The following FGGY variants were observed in gnomAD, a reference collection of about 807,000 sequenced individuals.
FGGY encodes FGGY carbohydrate kinase domain containing, also known as FGGY carbohydrate kinase domain-containing protein.
FGGY carries 72 observed loss-of-function variants against 71.3 expected under a neutral mutation model. The ratio of observed to expected loss-of-function variants is 1.01; its 90% CI spans 0.84 to 1.23. The LOEUF (loss-of-function observed/expected upper bound fraction) is 1.23, where lower values mean the gene tolerates loss of function less well. Among genes scored for constraint, FGGY ranks in the 50% most tolerant of loss-of-function variants. The pLI is 0.00. For missense variants in FGGY, 668 were observed against 682.3 expected (o/e 0.98, Z 0.23); for synonymous variants, 251 against 250.3 (o/e 1.00, Z -0.02).
chr1:59,391,307 C>T (rs753603448), intron 5 of FGGY, among the ~76,000 whole-genome samples: 19 of 151,880 alleles, frequency 1.3e-4, no homozygotes, highest in Non-Finnish European at 2.6e-4. Flanking sequence ...CCAGGGAGGG[C>T]GAGAGAGGAT....
rs185433204 is a variant in FGGY, at chr1:59,687,281, T to C, written c.1512+13148T>C. Reference sequence around the variant, plus strand: ...CCCAGCCTCTCTCAGATCCCAGTTCTGGCCACTCAGCTTTTCTTTGGTTTC... The same window carrying C: ...CCCAGCCTCTCTCAGATCCCAGTTCCGGCCACTCAGCTTTTCTTTGGTTTC... On this transcript the variant is annotated intron_variant, in intron 14 of 15. Transcript: ENST00000303721. Among the ~76,000 whole-genome samples, 692 of 152,260 alleles carry C rather than the reference T, an allele frequency of 4.5e-3. 41 individuals are homozygous for C. The East Asian group carries it at 0.12, about 27-fold the overall frequency.
intron 10 of FGGY, among the ~76,000 whole-genome samples, chr1:59,632,287 A>C (rs1367861625): frequency 6.6e-6 from 1 of 152,208 alleles, no homozygotes. Context: ...AATTGTAGAT[A>C]AATAAGGAGA....
At chr1:59,478,510 C>T (rs1204583378) in intron 6 of FGGY, among the ~76,000 whole-genome samples, 1 of 152,104 alleles carries the variant, frequency 6.6e-6, no homozygotes, top group Non-Finnish European at 1.5e-5. Flanking sequence ...AGAAATATGT[C>T]TGGAACATAG....
chr1:59,686,919 A>G (rs1010472291), intron 14 of FGGY, among the ~76,000 whole-genome samples: 1 of 152,240 alleles, frequency 6.6e-6, no homozygotes, highest in Admixed American at 6.5e-5. Context: ...AGTTGCTAGT[A>G]TGAATAAACT....
At chr1:59,354,234 T>A (rs1220712595) in intron 4 of FGGY, among the ~76,000 whole-genome samples, 3 of 152,082 alleles carry the variant, frequency 2.0e-5, no homozygotes, top group Admixed American at 2.0e-4. Context: ...CACACCACCA[T>A]GCCCAGATAA....
chr1:59,756,783 T>C (rs1349502480), intron 14 of FGGY, among the ~76,000 whole-genome samples: 1 of 152,072 alleles, frequency 6.6e-6, no homozygotes, highest in Non-Finnish European at 1.5e-5. Context: ...AGAAGGAAAT[T>C]AGTGGCATGC....
chr1:59,375,370 C>G (rs1298489956), intron 4 of FGGY, among the ~76,000 whole-genome samples: 1 of 152,040 alleles, frequency 6.6e-6, no homozygotes, highest in South Asian at 2.1e-4. Flanking sequence ...GAGACATTTC[C>G]TCTCATTCAG....
intron 7 of FGGY, among the ~76,000 whole-genome samples, chr1:59,534,143 G>C (rs1043221782): frequency 1.3e-5 from 2 of 152,186 alleles, no homozygotes; most frequent in East Asian, 3.8e-4. Context: ...TAAAGGAGCT[G>C]ATGGAGCTGA....
In FGGY at chr1:59,346,233, C is replaced by G; in HGVS notation, c.314-14C>G. The G allele has an allele frequency of 1.2e-6, 2 of 1,612,572 alleles. No homozygotes were observed. The highest frequency in any genetic ancestry group is 1.7e-6 in the Non-Finnish European group (2 of 1,179,464). ...AATGTGTGTCCATCTGCATCTCCCT[C>G]TCGTTTCTGCTAGGGGATTCCCATC... On this transcript the variant is annotated splice_polypyrimidine_tract_variant and intron_variant, in intron 3 of 15. Transcript: ENST00000303721.
At chr1:59,719,395 C>A (rs965775741) in intron 14 of FGGY, among the ~76,000 whole-genome samples, 2 of 152,132 alleles carry the variant, frequency 1.3e-5, no homozygotes, top group Non-Finnish European at 2.9e-5. Context: ...AATTACTTAA[C>A]CTTTCTCAAC....
intron 1 of FGGY, among the ~76,000 whole-genome samples, chr1:59,304,432 C>T (rs2043169856): frequency 6.6e-6 from 1 of 151,966 alleles, no homozygotes; most frequent in Non-Finnish European, 1.5e-5. Flanking sequence ...GTGTATATGT[C>T]TCTTTTTATT....
At chr1:59,342,788 CAA>C (rs2050972120) in intron 3 of FGGY, among the ~76,000 whole-genome samples, 1 of 152,088 alleles carries the variant, frequency 6.6e-6, no homozygotes, top group African/African-American at 2.4e-5. Flanking sequence ...AACCTAAAAC[CAA>C]ACCCATAAGA....
intron 5 of FGGY, among the ~76,000 whole-genome samples, chr1:59,429,484 A>G (rs1175061943): frequency 6.6e-6 from 1 of 152,212 alleles, no homozygotes; most frequent in Admixed American, 6.5e-5. Flanking sequence ...CAAAACCGAC[A>G]TGAAAATACA....
intron 11 of FGGY, among the ~76,000 whole-genome samples, chr1:59,652,776 C>G (rs1233225130): frequency 6.6e-6 from 1 of 152,102 alleles, no homozygotes; most frequent in Non-Finnish European, 1.5e-5. Context: ...CTCCATCCAG[C>G]TTTGTTCCGT....
intron 8 of FGGY, among the ~76,000 whole-genome samples, chr1:59,601,019 G>A (rs566131331): frequency 2.6e-4 from 38 of 143,844 alleles, no homozygotes; most frequent in African/African-American, 9.6e-4. Context: ...TGGTGATCTA[G>A]GAGTTGGCTG....
intron 14 of FGGY, among the ~76,000 whole-genome samples, chr1:59,733,465 T>TG (rs1553437696): frequency 6.9e-6 from 1 of 144,424 alleles, no homozygotes; most frequent in Non-Finnish European, 1.5e-5. Context: ...TGTTTTGTTT[T>TG]TTTGTTTTGT....
chr1:59,328,591 C>T (rs1047078149), intron 2 of FGGY, among the ~76,000 whole-genome samples: 3 of 152,294 alleles, frequency 2.0e-5, no homozygotes, highest in African/African-American at 4.8e-5. Flanking sequence ...GTTTTCCTTA[C>T]GAACTTTCTT....
chr1:59,394,012 T>C (rs1470157158), intron 5 of FGGY, among the ~76,000 whole-genome samples: 2 of 152,202 alleles, frequency 1.3e-5, no homozygotes, highest in Non-Finnish European at 2.9e-5. Context: ...TAAATGTAGT[T>C]CAGTGGAGGA....
chr1:59,423,893 T>G (rs187994876), intron 5 of FGGY, among the ~76,000 whole-genome samples: 2 of 152,360 alleles, frequency 1.3e-5, no homozygotes, highest in African/African-American at 4.8e-5. Flanking sequence ...AGCAGTTTCT[T>G]TCTTAGCACA....
Sources: gnomAD v4.1 joint callset for allele counts (sites outside exome capture counted in the v4.1 genomes callset) on GRCh38, gnomAD v4.1.1 for gene constraint, MANE v1.5 for transcripts, NCBI Gene and HGNC (gene_info 2026-07-23, HGNC 2026-07-21) for gene names.